Variants in SDK1 observed in about 807,000 individuals in gnomAD.
The protein encoded by SDK1 is sidekick cell adhesion molecule 1, also known as protein sidekick-1.
In SDK1, 157 loss-of-function variants were observed where a neutral mutation model predicts 245.5. That is an observed-to-expected ratio of 0.64 (90% CI 0.56 to 0.73). The LOEUF (loss-of-function observed/expected upper bound fraction) is 0.73. Ranked by LOEUF, SDK1 falls within the 30% of genes least tolerant of loss-of-function variation. The pLI is 0.00. For synonymous variants in SDK1, 1,647 were observed against 1,278.5 expected (o/e 1.29, Z -6.15); for missense variants, 3,583 against 3,002.3 (o/e 1.19, Z -4.52).
chr7:3,654,313 C>T (rs1377925146), intron 4 of SDK1, among the ~76,000 whole-genome samples: 4 of 152,148 alleles, frequency 2.6e-5, no homozygotes, highest in African/African-American at 7.2e-5. Flanking sequence ...TGTCCCTCAA[C>T]GTGAGTAAGA....
chr7:3,536,721 A>C (rs1213871270), intron 1 of SDK1, among the ~76,000 whole-genome samples: 1 of 151,878 alleles, frequency 6.6e-6, no homozygotes, highest in East Asian at 1.9e-4. Flanking sequence ...CAAAAAACAA[A>C]CCTATGCATT....
chr7:4,171,246 C>T (rs1212814270), intron 32 of SDK1, among the ~76,000 whole-genome samples: 3 of 152,180 alleles, frequency 2.0e-5, no homozygotes, highest in Admixed American at 6.5e-5. Context: ...TCGGGTACAC[C>T]GCACCCTGGA....
intron 1 of SDK1, among the ~76,000 whole-genome samples, chr7:3,465,263 G>A (rs967012456): frequency 4.6e-5 from 7 of 152,080 alleles, no homozygotes; most frequent in Non-Finnish European, 7.4e-5. Context: ...GGCCAACTGC[G>A]ACAATGAATG....
intron 5 of SDK1, among the ~76,000 whole-genome samples, chr7:3,939,130 G>T (rs544465215): frequency 6.6e-6 from 1 of 152,198 alleles, no homozygotes; most frequent in Non-Finnish European, 1.5e-5. Flanking sequence ...GGCAGGAAAC[G>T]AGAAGAACCT....
At chr7:3,484,549 A>T (rs1781618077) in intron 1 of SDK1, among the ~76,000 whole-genome samples, 1 of 152,196 alleles carries the variant, frequency 6.6e-6, no homozygotes, top group Non-Finnish European at 1.5e-5. Context: ...TTCAAGGATT[A>T]ACTGTACAAT....
Position 4,267,833 on chromosome 7 carries a change from T to C in SDK1, c.*2449T>C. 1 of 985,634 alleles carries C rather than the reference T, an allele frequency of 1.0e-6. No individual in the cohort carries two copies. The highest frequency in any genetic ancestry group is 1.2e-6 in the Non-Finnish European group (1 of 830,084). The allele number at this position is 985,634 out of a possible 1,614,324, so 61.1% of individuals were successfully genotyped here. On this transcript the variant is annotated 3_prime_UTR_variant, in exon 45 of 45. Transcript: ENST00000404826. ...TCCGAGGCTACGCCGGCCTCCTGGC[T>C]GCTGCTGGACTGTGCTTAGGACAGC...
chr7:3,517,196 GTAT>G (rs1181444242), intron 1 of SDK1, among the ~76,000 whole-genome samples: 2 of 152,148 alleles, frequency 1.3e-5, no homozygotes, highest in Admixed American at 6.5e-5. Flanking sequence ...ATAGGAAGCT[GTAT>G]TATTAGGTTT....
At chr7:3,723,725 C>A (rs1427631359) in intron 4 of SDK1, among the ~76,000 whole-genome samples, 4 of 149,948 alleles carry the variant, frequency 2.7e-5, no homozygotes, top group African/African-American at 7.4e-5. Flanking sequence ...TGTATATACA[C>A]GTACATATAC....
At chr7:3,725,434 A>C (rs1679504771) in intron 4 of SDK1, among the ~76,000 whole-genome samples, 1 of 152,124 alleles carries the variant, frequency 6.6e-6, no homozygotes, top group Non-Finnish European at 1.5e-5. Flanking sequence ...AACATTGTGT[A>C]GGTTTGATAA....
At chr7:4,170,881 G>T (rs1024749563) in intron 32 of SDK1, among the ~76,000 whole-genome samples, 2 of 152,134 alleles carry the variant, frequency 1.3e-5, no homozygotes, top group South Asian at 2.1e-4. Context: ...GTGAGTGACT[G>T]TTGCCGGCGT....
At chr7:3,695,440 T>G (rs1349852789) in intron 4 of SDK1, among the ~76,000 whole-genome samples, 1 of 152,256 alleles carries the variant, frequency 6.6e-6, no homozygotes, top group African/African-American at 2.4e-5. Context: ...ATGTCTTCTC[T>G]TTCTCTTACA....
chr7:4,203,379 G>A (rs558997800), intron 35 of SDK1, among the ~76,000 whole-genome samples: 169 of 152,296 alleles, frequency 1.1e-3, no homozygotes, highest in African/African-American at 3.8e-3. Context: ...TCAGCTCTGC[G>A]ATGGCATCGT....
chr7:3,504,182 A>ATGTGTGTATGTGTGTGTG (rs1554281088), intron 1 of SDK1, among the ~76,000 whole-genome samples: 1 of 131,886 alleles, frequency 7.6e-6, no homozygotes, highest in Non-Finnish European at 1.6e-5. Context: ...ATATATATAT[A>ATGTGTGTATGTGTGTGTG]TGTGTGTGTG....
At position 4,237,732 on chromosome 7, in the gene SDK1, G is replaced by T. The variant is rs1295776923; in HGVS notation, c.6078G>T (p.Val2026=). ...GCCTGATCGTCATCCTGCTGGTGGTGTTCGCCCTCGTCCTGCACGGGCAGA... is the reference window on the plus strand; with the variant it reads ...GCCTGATCGTCATCCTGCTGGTGGTTTTCGCCCTCGTCCTGCACGGGCAGA... ...LSSLIVILLV[V]FALVLHGQNK... The change falls in exon 42 of 45, where the codon GTG becomes GTT. Residue 2026 remains valine, a synonymous_variant. Transcript: ENST00000404826. The T allele has an allele frequency of 1.9e-6, 3 of 1,614,184 alleles. No individual in the cohort carries two copies. Among genetic ancestry groups the T allele is most frequent in the Non-Finnish European group, 2.5e-6 (3 of 1,180,028 alleles).
At chr7:3,421,357 C>T (rs1039349736) in intron 1 of SDK1, among the ~76,000 whole-genome samples, 1 of 151,978 alleles carries the variant, frequency 6.6e-6, no homozygotes, top group African/African-American at 2.4e-5. Context: ...ATTACAGGTG[C>T]AAGCCACCGA....
chr7:3,950,459 G>T (rs1297542130), intron 5 of SDK1, among the ~76,000 whole-genome samples: 1 of 152,188 alleles, frequency 6.6e-6, no homozygotes, highest in Non-Finnish European at 1.5e-5. Flanking sequence ...AAGATATTTT[G>T]AGAGATAGAG....
At chr7:4,143,874 G>C (rs565850643) in intron 28 of SDK1, among the ~76,000 whole-genome samples, 1 of 152,210 alleles carries the variant, frequency 6.6e-6, no homozygotes. Flanking sequence ...ACAGGCCTGC[G>C]GCGAGGGTCT....
chr7:3,510,993 G>A (rs777909161), intron 1 of SDK1, among the ~76,000 whole-genome samples: 14 of 152,340 alleles, frequency 9.2e-5, no homozygotes, highest in Non-Finnish European at 1.9e-4. Context: ...CCTGGCTGCT[G>A]TCTTGAAGAG....
chr7:3,704,178 A>C (rs1346219894), intron 4 of SDK1, among the ~76,000 whole-genome samples: 2 of 152,158 alleles, frequency 1.3e-5, no homozygotes, highest in East Asian at 1.9e-4. Flanking sequence ...CACTTGGAAT[A>C]ATGGCCTTCA....
Sources: gnomAD v4.1 joint callset for allele counts (sites outside exome capture counted in the v4.1 genomes callset) on GRCh38, gnomAD v4.1.1 for gene constraint, MANE v1.5 for transcripts, NCBI Gene and HGNC (gene_info 2026-07-23, HGNC 2026-07-21) for gene names.